Variants in AGXT2 observed in about 807,000 individuals in gnomAD.
AGXT2 encodes alanine--glyoxylate aminotransferase 2, mitochondrial.
A neutral mutation model predicts 62.5 loss-of-function variants in AGXT2; 61 were observed. The observed-to-expected ratio is 0.98, with a 90% CI of 0.79 to 1.21. The LOEUF (loss-of-function observed/expected upper bound fraction) is 1.21. Among genes scored for constraint, AGXT2 ranks in the 50% most tolerant of loss-of-function variants. The pLI is 0.00. For missense variants in AGXT2, 666 were observed against 641.5 expected, an observed-to-expected ratio of 1.04 and a Z score of -0.41; for synonymous variants, 243 against 218.7, an observed-to-expected ratio of 1.11 and a Z score of -0.98.
chr5:35,021,336 C>CA (rs1378752742), intron 9 of AGXT2, among the ~76,000 whole-genome samples: 2 of 151,902 alleles, frequency 1.3e-5, no homozygotes, highest in African/African-American at 4.8e-5. Context: ...TACAAGGCTA[C>CA]AGTAACCAAA....
chr5:35,014,279 C>T (rs964724522), intron 9 of AGXT2, among the ~76,000 whole-genome samples, 160 bp from the exon 10 acceptor site: 1 of 151,910 alleles, frequency 6.6e-6, no homozygotes, highest in Non-Finnish European at 1.5e-5. Context: ...TGGTGAAACC[C>T]TGTCTCTTCT....
chr5:35,045,243 T>C (rs1322496260), intron 1 of AGXT2, among the ~76,000 whole-genome samples: 4 of 152,196 alleles, frequency 2.6e-5, no homozygotes, highest in Non-Finnish European at 5.9e-5. Flanking sequence ...AGTAACTATG[T>C]AGATACTATA....
intron 9 of AGXT2, among the ~76,000 whole-genome samples, chr5:35,020,385 G>A (rs918809393): frequency 1.3e-5 from 2 of 152,260 alleles, no homozygotes; most frequent in African/African-American, 4.8e-5. Context: ...ATGATCAAGA[G>A]GGCTTCATCC....
rs751192931 is a variant in AGXT2 at position 34,998,541 on chromosome 5, G to A, written c.*178C>T. The A allele has an allele frequency of 1.4e-5, 9 of 629,974 alleles. No homozygotes were observed. Among genetic ancestry groups the A allele is most frequent in the Non-Finnish European group, 2.5e-5 (9 of 355,766 alleles). 39.0% of individuals were successfully genotyped at this position (629,974 alleles called of 1,614,324 possible). A position where few individuals can be genotyped will look rare whatever the true frequency, so the allele number is the denominator to read the frequency against. On this transcript the variant is annotated 3_prime_UTR_variant, in exon 14 of 14. Coordinates refer to ENST00000231420, the MANE Select transcript of AGXT2 (RefSeq NM_031900.4). The stretch of plus-strand genomic sequence containing the variant: ...TTTCCCTGAAGAATGGAGTTCTCAA[G>A]ATAAGAGGGGCTCTGCTAACAAATA...
chr5:35,022,544 A>T (rs1288335767), intron 9 of AGXT2, among the ~76,000 whole-genome samples: 9 of 122,232 alleles, frequency 7.4e-5, no homozygotes, highest in African/African-American at 2.8e-4. Flanking sequence ...GGACACAGGA[A>T]GGGGAGCATC....
chr5:35,008,785 T>A (rs570085875), intron 12 of AGXT2, among the ~76,000 whole-genome samples: 1 of 152,140 alleles, frequency 6.6e-6, no homozygotes, highest in African/African-American at 2.4e-5. Context: ...CCTTCTAAAG[T>A]AGAATGGTGG....
In AGXT2 at chr5:35,035,341, G is replaced by A. The variant is rs371668188; in HGVS notation, c.487-25C>T. 3.8e-6 allele frequency: 6 copies of A among 1,590,250 alleles called. No homozygotes were observed. The African/African-American group carries it at 5.4e-5, about 14-fold the overall frequency. ...CCTGGAGAGGAAAGGAAGACACGTG[G>A]CCTCATAATTTATTTCCTTATTACC... On this transcript the variant is annotated intron_variant, in intron 4 of 13. Transcript: ENST00000231420.
intron 12 of AGXT2, among the ~76,000 whole-genome samples, chr5:35,009,542 G>A (rs917157737): frequency 6.6e-5 from 10 of 152,242 alleles, no homozygotes; most frequent in South Asian, 6.2e-4. Context: ...GTTGCAGTGA[G>A]CCAAGATCGT....
intron 9 of AGXT2, among the ~76,000 whole-genome samples, chr5:35,022,629 C>T (rs941292559): frequency 9.3e-5 from 14 of 149,984 alleles, no homozygotes; most frequent in Middle Eastern, 3.5e-3. Context: ...TGCTAGATGA[C>T]GAGTTAGTGG....
At chr5:35,038,207 C>G (rs1039967737) in intron 3 of AGXT2, among the ~76,000 whole-genome samples, 1 of 152,164 alleles carries the variant, frequency 6.6e-6, no homozygotes, top group Non-Finnish European at 1.5e-5. Flanking sequence ...TTCCATGAAA[C>G]TCACTTTAGA....
rs556673072 is a variant in AGXT2 at position 35,035,206 on chromosome 5, T to A, written c.581+16A>T. On this transcript the variant is annotated intron_variant, in intron 5 of 13. Coordinates refer to ENST00000231420, the MANE Select transcript of AGXT2 (RefSeq NM_031900.4). ...AGTCAGTGTTCCTAAAGTTGAATAT[T>A]CCAAGTTGTGATTACCTGAAAGAAA... 4 of 1,610,386 alleles carry A rather than the reference T, an allele frequency of 2.5e-6. No individual in the cohort carries two copies. In the East Asian group the frequency reaches 8.9e-5, roughly 36 times the overall value.
intron 1 of AGXT2, among the ~76,000 whole-genome samples, chr5:35,043,794 G>A (rs968050878): frequency 2.6e-5 from 4 of 152,190 alleles, no homozygotes; most frequent in African/African-American, 7.2e-5. Flanking sequence ...AGGCTCAAGC[G>A]ATCCTTCTAT....
At chr5:35,009,576 GAC>G (rs1766552470) in intron 12 of AGXT2, among the ~76,000 whole-genome samples, 1 of 152,046 alleles carries the variant, frequency 6.6e-6, no homozygotes, top group South Asian at 2.1e-4. Flanking sequence ...CAGCCTGGGT[GAC>G]AGAGTGAGAC....
At chr5:35,036,871 C>A in intron 4 of AGXT2, 71 bp downstream of exon 4, 2 of 1,607,048 alleles carry the variant, frequency 1.2e-6, no homozygotes, top group East Asian at 4.5e-5. Context: ...ACTCCTGTCT[C>A]TTTGAGCTGG....
At chr5:35,020,769 G>T (rs1400228714) in intron 9 of AGXT2, among the ~76,000 whole-genome samples, 3 of 152,198 alleles carry the variant, frequency 2.0e-5, no homozygotes, top group Admixed American at 2.0e-4. Context: ...AATAGGAAAA[G>T]AGGAAGTCAA....
intron 7 of AGXT2, 87 bp downstream of exon 7, chr5:35,032,645 A>T (rs370337006): frequency 9.8e-6 from 12 of 1,222,628 alleles, no homozygotes; most frequent in Admixed American, 2.0e-5. Flanking sequence ...TTTCAAATTC[A>T]ATTGTTCCCT....
intron 9 of AGXT2, among the ~76,000 whole-genome samples, chr5:35,014,370 T>C (rs1766765622): frequency 6.8e-6 from 1 of 146,776 alleles, no homozygotes; most frequent in Non-Finnish European, 1.5e-5. Context: ...GGAGAATCGC[T>C]TGAACTCGGA....
In AGXT2 at chr5:35,026,412, G is replaced by A; in HGVS notation, c.868C>T (p.Gln290Ter). Residue 290 changes from glutamine to a stop codon, truncating the protein, a stop_gained and splice_region_variant, in exon 8 of 14, where the codon CAA becomes TAA. Coordinates refer to ENST00000231420, the MANE Select transcript of AGXT2 (RefSeq NM_031900.4). LOFTEE classifies it high-confidence loss of function. ...SIAGFFAEPI[Q>*]GVNGVVQYPK... ...ATGTCTAAGGTTCATATACCCACTT[G>A]AATAGGTTCTGCGAAAAATCCAGCA... 10 of 1,613,492 alleles carry A rather than the reference G, an allele frequency of 6.2e-6. No individual in the cohort carries two copies. The highest frequency in any genetic ancestry group is 8.5e-6 in the Non-Finnish European group (10 of 1,179,432).
chr5:35,045,160 C>G (rs573944722), intron 1 of AGXT2, among the ~76,000 whole-genome samples: 1 of 152,320 alleles, frequency 6.6e-6, no homozygotes, highest in South Asian at 2.1e-4. Context: ...TTTGTATACA[C>G]AGTTAGCCCA....
Sources: allele counts gnomAD v4.1 joint callset (sites outside exome capture counted in the v4.1 genomes callset), GRCh38; gene constraint gnomAD v4.1.1; transcripts MANE v1.5; gene names NCBI Gene and HGNC (gene_info 2026-07-23, HGNC 2026-07-21).